The following ZNF691 variants were observed in gnomAD, a reference collection of about 807,000 sequenced individuals.
The protein encoded by ZNF691 is zinc finger protein 691.
ZNF691 carries 11 observed loss-of-function variants against 24.1 expected under a neutral mutation model. That is an observed-to-expected ratio of 0.46 (90% CI 0.29 to 0.75). The LOEUF (loss-of-function observed/expected upper bound fraction) is 0.75, where lower values mean the gene tolerates loss of function less well. Ranked by LOEUF, ZNF691 falls within the 30% of genes least tolerant of loss-of-function variation. The pLI, the probability that ZNF691 is intolerant of heterozygous loss-of-function variation, is 0.11. For synonymous variants in ZNF691, 149 were observed against 153.9 expected, an observed-to-expected ratio of 0.97 and a Z score of 0.23; for missense variants, 356 against 409.0, an observed-to-expected ratio of 0.87 and a Z score of 1.12.
chr1:42,849,611 A>G lies in ZNF691; in HGVS notation c.-48A>G. 7.5e-7 allele frequency: 1 copy of G among 1,337,040 alleles called. No homozygotes were observed. The highest frequency in any genetic ancestry group is 1.4e-5 in the African/African-American group (1 of 68,982). The allele number at this position is 1,337,040 out of a possible 1,614,324, so 82.8% of individuals were successfully genotyped here. A position where few individuals can be genotyped will look rare whatever the true frequency, so the allele number is the denominator to read the frequency against. On this transcript the variant is annotated 5_prime_UTR_variant, in exon 3 of 4. Coordinates refer to ENST00000651192, the MANE Select transcript of ZNF691 (RefSeq NM_001242739.2). ...AATTATCAGTCTTTCATTTTCTATC[A>G]TCAGTGTCCTATGATAGTTTGTGCT...
rs1418164885 is a variant in ZNF691, at chr1:42,851,057, C to T, written c.192C>T (p.Ile64=). 2.5e-6 allele frequency: 4 copies of T among 1,593,406 alleles called. No homozygotes were observed. Among genetic ancestry groups the T allele is most frequent in the Non-Finnish European group, 3.4e-6 (4 of 1,170,364 alleles). The change falls in exon 4 of 4, where the codon ATC becomes ATT. Residue 64 remains isoleucine, a synonymous_variant. Transcript: ENST00000651192. The surrounding 1 kb of genome is among the most constrained non-coding windows in gnomAD (Gnocchi z 4.7). The part of the protein sequence containing the change: ...WRVDDSEGSW[I]PPGEKEHGQE... ...TGGATGACTCAGAGGGTTCTTGGAT[C>T]CCACCTGGGGAGAAGGAGCATGGGC...
chr1:42,851,155 G>A lies in ZNF691; in HGVS notation c.290G>A (p.Arg97Gln), dbSNP rs567776174. The change falls in exon 4 of 4, where the codon CGA becomes CAA. Residue 97 changes from arginine to glutamine, a missense_variant. Transcript: ENST00000651192. The surrounding 1 kb of genome is among the most constrained non-coding windows in gnomAD (Gnocchi z 4.7). Reference protein sequence around the residue: ...KPWQKVTVRARELGDPIAHPR... With the variant: ...KPWQKVTVRAQELGDPIAHPR... ...TGGCAGAAAGTCACTGTCCGGGCTC[G>A]AGAGCTAGGGGACCCCATTGCTCAT... 57 of 1,614,194 alleles carry A rather than the reference G, an allele frequency of 3.5e-5. No individual in the cohort carries two copies. In the Middle Eastern group the frequency reaches 4.9e-4, roughly 14 times the overall value.
At chr1:42,847,128 TC>T (rs1008249317) in intron 1 of ZNF691, among the ~76,000 whole-genome samples, 4 of 152,148 alleles carry the variant, frequency 2.6e-5, no homozygotes, top group Non-Finnish European at 4.4e-5. Context: ...CCCTCTGACT[TC>T]CTTGGTCCTC....
Position 42,851,416 on chromosome 1 carries a change from C to T in ZNF691, c.551C>T (p.Ser184Leu). ...TGCCAGGAGAGCTTTCGGCGGCGCT[C>T]AGACCTCACCACGCACCAGCAAGAT... ...PKCQESFRRR[S>L]DLTTHQQDHL... The change falls in exon 4 of 4, where the codon TCA becomes TTA. Residue 184 changes from serine (S) to leucine (L), a missense_variant. Ser to Leu is a moderately radical substitution (Grantham distance 145, BLOSUM62 -2). Transcript: ENST00000651192. The surrounding 1 kb of genome is among the most constrained non-coding windows in gnomAD (Gnocchi z 4.7). The T allele has an allele frequency of 6.2e-7, 1 of 1,614,182 alleles. No homozygotes were observed. Among genetic ancestry groups the T allele is most frequent in the Non-Finnish European group, 8.5e-7 (1 of 1,180,036 alleles).
In ZNF691 at chr1:42,851,831, A is replaced by G. The variant is rs1655404800; in HGVS notation, c.*18A>G. 1 of 1,613,926 alleles carries G rather than the reference A, an allele frequency of 6.2e-7. No individual in the cohort carries two copies. The highest frequency in any genetic ancestry group is 8.5e-7 in the Non-Finnish European group (1 of 1,179,966). On this transcript the variant is annotated 3_prime_UTR_variant, in exon 4 of 4. Coordinates refer to ENST00000651192, the MANE Select transcript of ZNF691 (RefSeq NM_001242739.2). This position sits in a 1 kb window ranked among gnomAD's most constrained non-coding sequence, Gnocchi z 4.7. ...CCAGCTGAAGGAGAGCCCCATTTAG[A>G]GTGAGGGAGAGAGAGTGAGAGACCC...
intron 1 of ZNF691, among the ~76,000 whole-genome samples, chr1:42,847,497 GA>G (rs1466635064): frequency 6.6e-6 from 1 of 152,178 alleles, no homozygotes; most frequent in Non-Finnish European, 1.5e-5. Context: ...AGTGTGATAT[GA>G]AAGTGCCTCT....
Position 42,851,855 on chromosome 1 carries a change from C to T in ZNF691, c.*42C>T, listed in dbSNP as rs754276469. ...GAGTGAGGGAGAGAGAGTGAGAGAC[C>T]CTAACCTATTGGAGGAAGATCTTCA... is the stretch of plus-strand genomic sequence containing the variant. On this transcript the variant is annotated 3_prime_UTR_variant, in exon 4 of 4. Transcript: ENST00000651192. The surrounding 1 kb of genome is among the most constrained non-coding windows in gnomAD (Gnocchi z 4.7). 4 of 1,612,328 alleles carry T rather than the reference C, an allele frequency of 2.5e-6. No individual in the cohort carries two copies. The highest frequency in any genetic ancestry group is 2.5e-6 in the Non-Finnish European group (3 of 1,179,130).
chr1:42,847,284 G>T (rs1570555106), intron 1 of ZNF691, among the ~76,000 whole-genome samples: 1 of 151,980 alleles, frequency 6.6e-6, no homozygotes, highest in Admixed American at 6.5e-5. Context: ...CCTCCATACC[G>T]CACTATGGCT....
chr1:42,847,085 C>G (rs983270626), intron 1 of ZNF691, among the ~76,000 whole-genome samples: 3 of 152,212 alleles, frequency 2.0e-5, no homozygotes, highest in Non-Finnish European at 2.9e-5. Flanking sequence ...TTCTGGCAGC[C>G]TTTGCTTCCT....
intron 3 of ZNF691, among the ~76,000 whole-genome samples, chr1:42,849,952 CTGTG>C (rs753059465): frequency 8.6e-5 from 13 of 151,486 alleles, no homozygotes; most frequent in South Asian, 2.1e-4. Flanking sequence ...GAGTGTGTGT[CTGTG>C]TGTGGTGTAT....
Position 42,850,969 on chromosome 1 carries a change from A to C in ZNF691, c.104A>C (p.Glu35Ala), listed in dbSNP as rs760086886. ...TCTCAGGGTTCAGAGATGGGCAGTG[A>C]GAAGGAGCAGAGTCCAGAACCACAC... ...LSSEGSEMGS[E>A]KEQSPEPHLP... Residue 35 changes from glutamate to alanine, a missense_variant, in exon 4 of 4, where the codon GAG becomes GCG. Coordinates refer to ENST00000651192, the MANE Select transcript of ZNF691 (RefSeq NM_001242739.2). The C allele has an allele frequency of 6.5e-7, 1 of 1,534,996 alleles. No individual in the cohort carries two copies. The highest frequency in any genetic ancestry group is 1.3e-5 in the South Asian group (1 of 76,308).
chr1:42,849,881 G>A (rs1655334334), intron 3 of ZNF691, 139 bp downstream of exon 3: 1 of 707,040 alleles, frequency 1.4e-6, no homozygotes, highest in Non-Finnish European at 2.5e-6. Flanking sequence ...TTGGGGTGGG[G>A]TGTGGGGAGT....
At position 42,849,464 on chromosome 1, in the gene ZNF691, A is replaced by G. The variant is rs957712175; in HGVS notation, c.-95+51A>G. ...GGGAGTTTAGGCTCAGAGTGGTTGAATAATTTGCAGAGAGCGATAAAGATA... is the reference window on the plus strand; with the variant it reads ...GGGAGTTTAGGCTCAGAGTGGTTGAGTAATTTGCAGAGAGCGATAAAGATA... On this transcript the variant is annotated intron_variant, in intron 2 of 3. Coordinates refer to ENST00000651192, the MANE Select transcript of ZNF691 (RefSeq NM_001242739.2). The G allele has an allele frequency of 2.1e-4, 146 of 684,038 alleles. 1 individual carries two copies. Among genetic ancestry groups the G allele is most frequent in the South Asian group, 1.6e-3 (109 of 66,428 alleles). 42.4% of individuals were successfully genotyped at this position (684,038 alleles called of 1,614,324 possible).
chr1:42,846,828 G>A lies in ZNF691; in HGVS notation c.-218+171G>A, dbSNP rs1031296481. ...GTCCCTCCGCCGCGACCCTCGCCCTGGCCCCCGGCCCACGCAGCCAGGTGG... is the reference window on the plus strand; with the variant it reads ...GTCCCTCCGCCGCGACCCTCGCCCTAGCCCCCGGCCCACGCAGCCAGGTGG... On this transcript the variant is annotated intron_variant, in intron 1 of 3. Transcript: ENST00000651192. Among the ~76,000 whole-genome samples the A allele has an allele frequency of 1.8e-3, 278 of 152,168 alleles. 3 individuals carry two copies. Among genetic ancestry groups the A allele is most frequent in the Middle Eastern group, 3.4e-3 (1 of 294 alleles).
At chr1:42,847,815 C>G (rs759442117) in intron 1 of ZNF691, among the ~76,000 whole-genome samples, 34 of 152,248 alleles carry the variant, frequency 2.2e-4, no homozygotes, top group Non-Finnish European at 2.9e-5. Context: ...GGGCAAGATA[C>G]TTAATTTCTC....
intron 1 of ZNF691, among the ~76,000 whole-genome samples, chr1:42,848,480 G>A (rs541807956): frequency 9.2e-5 from 14 of 152,272 alleles, no homozygotes; most frequent in South Asian, 8.3e-4. Context: ...AAGATTCTGT[G>A]ACTGCATAAA....
Position 42,852,003 on chromosome 1 carries a change from C to A in ZNF691, c.*190C>A. On this transcript the variant is annotated 3_prime_UTR_variant, in exon 4 of 4. Transcript: ENST00000651192. ...AGGGACTCTGGAATAAAAACCCTTG[C>A]CTCTTTCCAGGCCAATTTCTCGTGT... The A allele has an allele frequency of 1.1e-6, 1 of 924,660 alleles. No homozygotes were observed. The highest frequency in any genetic ancestry group is 1.7e-6 in the Non-Finnish European group (1 of 578,570). The allele number at this position is 924,660 out of a possible 1,614,324, so 57.3% of individuals were successfully genotyped here. A position where few individuals can be genotyped will look rare whatever the true frequency, so the allele number is the denominator to read the frequency against.
chr1:42,849,627 A>C lies in ZNF691; in HGVS notation c.-32A>C. On this transcript the variant is annotated 5_prime_UTR_variant, in exon 3 of 4. Transcript: ENST00000651192. The stretch of plus-strand genomic sequence containing the variant: ...TTTTCTATCATCAGTGTCCTATGAT[A>C]GTTTGTGCTTCCCTCCCTCATCCCT... The C allele has an allele frequency of 6.9e-7, 1 of 1,450,792 alleles. No homozygotes were observed. Among genetic ancestry groups the C allele is most frequent in the Non-Finnish European group, 9.5e-7 (1 of 1,055,758 alleles). 89.9% of individuals were successfully genotyped at this position (1,450,792 alleles called of 1,614,324 possible).
At chr1:42,850,280 A>C (rs1267404184) in intron 3 of ZNF691, 1 of 364,658 alleles carries the variant, frequency 2.7e-6, no homozygotes, top group Non-Finnish European at 3.8e-6. Flanking sequence ...ATGGTGTTTG[A>C]GAATGTAGTG....
Sources: gnomAD v4.1 joint callset for allele counts (sites outside exome capture counted in the v4.1 genomes callset) on GRCh38, gnomAD v4.1.1 for gene constraint, Gnocchi (gnomAD v3.1) non-coding constraint, MANE v1.5 for transcripts, NCBI Gene and HGNC (gene_info 2026-07-23, HGNC 2026-07-21) for gene names.